Variants in CUL1 observed in about 807,000 individuals in gnomAD.
The protein encoded by CUL1 is cullin-1.
Under a neutral mutation model 118.0 loss-of-function variants are expected in CUL1, and 24 were observed. The observed-to-expected ratio is 0.20, with a 90% CI of 0.15 to 0.29. The LOEUF (loss-of-function observed/expected upper bound fraction) is 0.29, where lower values mean the gene tolerates loss of function less well. Ranked by LOEUF, CUL1 falls within the 10% of genes least tolerant of loss-of-function variation. CUL1 has a pLI of 1.00. For synonymous variants in CUL1, 332 were observed against 340.4 expected (o/e 0.98, Z 0.27); for missense variants, 361 against 933.8 (o/e 0.39, Z 7.99).
At chr7:148,724,589 A>G (rs1329949937) in intron 1 of CUL1, among the ~76,000 whole-genome samples, 1 of 152,144 alleles carries the variant, frequency 6.6e-6, no homozygotes, top group Non-Finnish European at 1.5e-5. Context: ...CTGTCAAGAA[A>G]ATGATAATCC....
Position 148,754,115 on chromosome 7 carries a change from G to T in CUL1, c.280G>T (p.Glu94Ter). 6.2e-7 allele frequency: 1 copy of T among 1,611,002 alleles called. No individual in the cohort carries two copies. The highest frequency in any genetic ancestry group is 8.5e-7 in the Non-Finnish European group (1 of 1,178,772). The change falls in exon 3 of 22, where the codon GAA (glutamate) becomes TAA (stop). Residue 94 changes from glutamate (E) to a stop codon, truncating the protein, a stop_gained. Transcript: ENST00000325222. LOFTEE classifies it high-confidence loss of function. Reference protein sequence around the residue: ...VGLELYKRLKEFLKNYLTNLL... With the variant: ...VGLELYKRLK Reference sequence around the variant, plus strand: ...CCTGGAATTATATAAACGACTTAAGGAATTTTTGAAGAATTACTTGACAAA... The same window carrying T: ...CCTGGAATTATATAAACGACTTAAGTAATTTTTGAAGAATTACTTGACAAA...
At chr7:148,700,988 C>T (rs1797703358) in intron 1 of CUL1, among the ~76,000 whole-genome samples, 1 of 152,142 alleles carries the variant, frequency 6.6e-6, no homozygotes, top group African/African-American at 2.4e-5. Context: ...AGACTCTTGC[C>T]ACTTACTGAA....
At chr7:148,733,851 TTG>T (rs1798850628) in intron 2 of CUL1, among the ~76,000 whole-genome samples, 1 of 152,168 alleles carries the variant, frequency 6.6e-6, no homozygotes, top group Admixed American at 6.5e-5. Context: ...GAGGAGAAAA[TTG>T]TGTGTTTTTT....
intron 14 of CUL1, 55 bp from the exon 15 acceptor site, chr7:148,789,695 T>C (rs949483129): frequency 3.8e-5 from 53 of 1,409,126 alleles, no homozygotes; most frequent in Non-Finnish European, 5.0e-5. Context: ...TTTCAGTTTA[T>C]AAACTAATTA....
intron 7 of CUL1, 24 bp downstream of exon 7, chr7:148,760,520 A>G: frequency 6.5e-7 from 1 of 1,539,540 alleles, no homozygotes; most frequent in Non-Finnish European, 8.8e-7. Flanking sequence ...TAGTACTTTA[A>G]GTAGACTTAA....
At chr7:148,732,031 T>TA (rs1384601451) in intron 2 of CUL1, among the ~76,000 whole-genome samples, 3 of 152,184 alleles carry the variant, frequency 2.0e-5, no homozygotes, top group African/African-American at 7.2e-5. Context: ...GGTGTGTATG[T>TA]AGGAGTGGGA....
chr7:148,725,266 G>A (rs2129459458), intron 1 of CUL1, among the ~76,000 whole-genome samples: 1 of 139,450 alleles, frequency 7.2e-6, no homozygotes, highest in Admixed American at 7.1e-5. Context: ...CCTCTAAACT[G>A]GAAAACTTCA....
intron 8 of CUL1, 45 bp from the exon 9 acceptor site, chr7:148,767,574 G>T: frequency 1.3e-6 from 2 of 1,588,256 alleles, no homozygotes; most frequent in Non-Finnish European, 1.7e-6. Context: ...GAATGGATAT[G>T]CAAAATTTTT....
chr7:148,773,461 T>A (rs977392259), intron 9 of CUL1, among the ~76,000 whole-genome samples: 20 of 152,170 alleles, frequency 1.3e-4, no homozygotes, highest in Admixed American at 6.5e-5. Context: ...GTACATGTGG[T>A]TATAACTTCC....
chr7:148,730,365 A>C, intron 2 of CUL1, 103 bp downstream of exon 2: 1 of 1,273,550 alleles, frequency 7.9e-7, no homozygotes, highest in Non-Finnish European at 1.1e-6. Flanking sequence ...CTCCCAGTTC[A>C]TCATGTAAAA....
intron 2 of CUL1, among the ~76,000 whole-genome samples, chr7:148,743,944 T>C (rs1278035483): frequency 6.6e-6 from 1 of 152,160 alleles, no homozygotes; most frequent in East Asian, 1.9e-4. Flanking sequence ...TTTTTTCATA[T>C]ATTTTGAAAC....
At chr7:148,798,101 C>A in intron 19 of CUL1, 82 bp downstream of exon 19, 1 of 804,470 alleles carries the variant, frequency 1.2e-6, no homozygotes, top group Non-Finnish European at 2.0e-6. Context: ...AGTATTGTTA[C>A]AAACCAAGGG....
intron 7 of CUL1, among the ~76,000 whole-genome samples, chr7:148,760,738 A>AT (rs933106097): frequency 5.3e-5 from 8 of 152,106 alleles, no homozygotes; most frequent in Non-Finnish European, 1.0e-4. Context: ...AGCTACATGA[A>AT]TTTTTTTTAA....
intron 8 of CUL1, 106 bp downstream of exon 8, chr7:148,766,829 G>A (rs1800021787): frequency 1.0e-6 from 1 of 967,892 alleles, no homozygotes; most frequent in South Asian, 1.7e-5. Flanking sequence ...GCCCATGTCA[G>A]TTTTAAAAAG....
rs1040654903 is a variant in CUL1 at position 148,755,943 on chromosome 7, C to T, written c.316-1040C>T. Reference sequence around the variant, plus strand: ...AGCCAGTGGGCTCGCCCCAGCCCTTCCTGCAGCCCTCCTGCCCCCACCTTC... The same window carrying T: ...AGCCAGTGGGCTCGCCCCAGCCCTTTCTGCAGCCCTCCTGCCCCCACCTTC... On this transcript the variant is annotated intron_variant, in intron 3 of 21. Coordinates refer to ENST00000325222, the MANE Select transcript of CUL1 (RefSeq NM_003592.3). Among the ~76,000 whole-genome samples the T allele has an allele frequency of 4.6e-5, 7 of 152,206 alleles. No individual in the cohort carries two copies. The South Asian group carries it at 1.0e-3, about 22-fold the overall frequency.
rs934243269 is a variant in CUL1 at position 148,787,714 on chromosome 7, G to T, written c.1479+594G>T. 2.6e-5 allele frequency among the ~76,000 whole-genome samples: 4 copies of T among 152,038 alleles called. No homozygotes were observed. Among genetic ancestry groups the T allele is most frequent in the Non-Finnish European group, 4.4e-5 (3 of 68,022 alleles). On this transcript the variant is annotated intron_variant, in intron 13 of 21. Coordinates refer to ENST00000325222, the MANE Select transcript of CUL1 (RefSeq NM_003592.3). The surrounding 1 kb of genome is among the most constrained non-coding windows in gnomAD (Gnocchi z 5.5). ...TCCTGCCTCCCACACCTTTAGCCTT[G>T]CAGCACATTCACACTTCCACACTGT...
At chr7:148,714,642 G>C (rs761838754) in intron 1 of CUL1, among the ~76,000 whole-genome samples, 4 of 152,154 alleles carry the variant, frequency 2.6e-5, no homozygotes, top group Non-Finnish European at 4.4e-5. Flanking sequence ...TGTAGTGATA[G>C]GTGTGGTATT....
intron 14 of CUL1, 81 bp from the exon 15 acceptor site, chr7:148,789,669 C>A: frequency 1.8e-6 from 2 of 1,092,776 alleles, no homozygotes; most frequent in Non-Finnish European, 2.8e-6. Context: ...CCACATTCAT[C>A]TGAAATGATT....
chr7:148,762,540 A>T (rs1369805056), intron 7 of CUL1, among the ~76,000 whole-genome samples: 2 of 152,236 alleles, frequency 1.3e-5, no homozygotes, highest in Non-Finnish European at 2.9e-5. Context: ...TGAACTTTTG[A>T]AACAGTCTGT....
Sources: allele counts gnomAD v4.1 joint callset (sites outside exome capture counted in the v4.1 genomes callset), GRCh38; gene constraint gnomAD v4.1.1; non-coding constraint Gnocchi (gnomAD v3.1); transcripts MANE v1.5; gene names NCBI Gene and HGNC (gene_info 2026-07-23, HGNC 2026-07-21).